Variants in GNB5 observed in about 807,000 individuals in gnomAD.
The protein encoded by GNB5 is G protein subunit beta 5, also known as guanine nucleotide-binding protein subunit beta-5.
Under a neutral mutation model 55.3 loss-of-function variants are expected in GNB5, and 37 were observed. The observed-to-expected ratio is 0.67, with a 90% CI of 0.51 to 0.88. The LOEUF (loss-of-function observed/expected upper bound fraction) is 0.88, where lower values mean the gene tolerates loss of function less well. GNB5 is among the 40% of genes least tolerant of loss of function. The pLI, the probability that GNB5 is intolerant of heterozygous loss-of-function variation, is 0.00. For synonymous variants in GNB5, 219 were observed against 198.5 expected, an observed-to-expected ratio of 1.10 and a Z score of -0.87; for missense variants, 476 against 515.3, an observed-to-expected ratio of 0.92 and a Z score of 0.74.
intron 9 of GNB5, among the ~76,000 whole-genome samples, chr15:52,132,636 A>ATTTTT (rs1216272462): frequency 5.9e-5 from 8 of 134,800 alleles, no homozygotes; most frequent in East Asian, 4.2e-4. Context: ...TGCCCTGCTA[A>ATTTTT]TTTTTTTTTT....
At chr15:52,171,085 T>A (rs1489338321) in intron 3 of GNB5, among the ~76,000 whole-genome samples, 1 of 127,420 alleles carries the variant, frequency 7.8e-6, no homozygotes, top group Admixed American at 8.1e-5. Context: ...AAAGTGAGAC[T>A]CTATCTCCAA....
At chr15:52,171,085 T>G (rs1489338321) in intron 3 of GNB5, among the ~76,000 whole-genome samples, 2 of 127,380 alleles carry the variant, frequency 1.6e-5, no homozygotes, top group Non-Finnish European at 3.1e-5. Flanking sequence ...AAAGTGAGAC[T>G]CTATCTCCAA....
intron 1 of GNB5, among the ~76,000 whole-genome samples, chr15:52,190,791 A>T (rs1013132707): frequency 1.2e-3 from 1 of 852 alleles, no homozygotes; most frequent in Non-Finnish European, 0.016. Flanking sequence ...AAAAAAAAAA[A>T]AAAAAAAAAA....
intron 8 of GNB5, among the ~76,000 whole-genome samples, chr15:52,134,654 A>G (rs1211078324): frequency 6.6e-6 from 1 of 152,242 alleles, no homozygotes; most frequent in East Asian, 1.9e-4. Context: ...GGTCCCTGCT[A>G]ACTACAGCTC....
At chr15:52,165,017 A>G (rs908731700) in intron 3 of GNB5, among the ~76,000 whole-genome samples, 2 of 152,206 alleles carry the variant, frequency 1.3e-5, no homozygotes, top group African/African-American at 4.8e-5. Flanking sequence ...GAGGAACATA[A>G]ATGACCTGAT....
intron 1 of GNB5, among the ~76,000 whole-genome samples, chr15:52,185,750 CT>C (rs200299592): frequency 0.1 from 12,626 of 123,286 alleles, 750 homozygotes; most frequent in South Asian, 0.18. Flanking sequence ...GTGTATTCAT[CT>C]TTTTATTATT....
chr15:52,177,584 G>A (rs2034676334), intron 3 of GNB5, among the ~76,000 whole-genome samples: 1 of 151,490 alleles, frequency 6.6e-6, no homozygotes, highest in Non-Finnish European at 1.5e-5. Context: ...CTGGGAGGTG[G>A]AGGTTGCAGT....
chr15:52,136,362 C>T (rs1004687223), intron 7 of GNB5, among the ~76,000 whole-genome samples: 13 of 152,128 alleles, frequency 8.5e-5, no homozygotes, highest in African/African-American at 2.7e-4. Context: ...GGAAGTGTTC[C>T]GTGAGTCTCT....
chr15:52,150,057 G>T, intron 4 of GNB5, 132 bp from the exon 5 acceptor site: 1 of 697,710 alleles, frequency 1.4e-6, no homozygotes, highest in South Asian at 1.7e-5. Context: ...GGATAATCAA[G>T]ACCCCCTAAT....
rs8025737 is a variant in GNB5, at chr15:52,191,153, T to C, written c.-19+169A>G. On this transcript the variant is annotated intron_variant, in intron 1 of 12. Coordinates refer to ENST00000261837, the MANE Select transcript of GNB5 (RefSeq NM_016194.4). ...AATTTACTATTTCAAAATAAATTCA[T>C]GTGTATTGTAGAAAAATTAGATTCT... Among the ~76,000 whole-genome samples, 30,462 of 151,076 alleles carry C rather than the reference T, an allele frequency of 0.2. 3,280 individuals carry two copies. Among genetic ancestry groups the C allele is most frequent in the Admixed American group, 0.3 (4,500 of 15,076 alleles).
chr15:52,176,605 G>A (rs1800127237), intron 3 of GNB5, among the ~76,000 whole-genome samples: 1 of 152,118 alleles, frequency 6.6e-6, no homozygotes, highest in Admixed American at 6.6e-5. Context: ...ATCATCTCTC[G>A]CTCTTCCACC....
intron 8 of GNB5, among the ~76,000 whole-genome samples, chr15:52,133,986 G>T (rs553611287): frequency 6.6e-6 from 1 of 152,210 alleles, no homozygotes; most frequent in African/African-American, 2.4e-5. Context: ...CAGGTGCCCC[G>T]GGCCATCTGC....
chr15:52,124,635 G>A lies in GNB5; in HGVS notation c.1014C>T (p.Arg338=). The change falls in exon 12 of 13, where the codon CGC becomes CGT. Residue 338 remains arginine, a synonymous_variant. Transcript: ENST00000261837. ...AATCATTGTATCCAGCAAACAGCAG[G>A]CGACCTTGAAGCAGGGTGAGATGAT... The part of the protein sequence containing the change: ...ASSVDFSLSG[R]LLFAGYNDYT... The A allele has an allele frequency of 1.2e-6, 2 of 1,613,706 alleles. No homozygotes were observed. Among genetic ancestry groups the A allele is most frequent in the African/African-American group, 2.7e-5 (2 of 75,042 alleles).
intron 3 of GNB5, among the ~76,000 whole-genome samples, chr15:52,166,385 C>A (rs1833905313): frequency 6.6e-6 from 1 of 152,190 alleles, no homozygotes; most frequent in South Asian, 2.1e-4. Context: ...ACAGAATATA[C>A]ATTCTTCTCA....
At chr15:52,128,690 C>T in intron 9 of GNB5, 3 of 465,492 alleles carry the variant, frequency 6.4e-6, no homozygotes, top group Non-Finnish European at 1.3e-5. Context: ...GCCTCAGTTT[C>T]CTCATCTGAA....
chr15:52,141,493 C>G (rs2033853831), intron 6 of GNB5, among the ~76,000 whole-genome samples: 2 of 150,226 alleles, frequency 1.3e-5, no homozygotes, highest in Admixed American at 1.3e-4. Context: ...GTCTTGAACT[C>G]TTGGCCTCGA....
intron 3 of GNB5, among the ~76,000 whole-genome samples, 174 bp from the exon 4 acceptor site, chr15:52,154,250 C>T (rs1379344107): frequency 6.6e-6 from 1 of 152,238 alleles, no homozygotes; most frequent in Admixed American, 6.5e-5. Context: ...AGCACTCCTT[C>T]TTTTAAGATC....
At position 52,184,656 on chromosome 15, in the gene GNB5, G is replaced by A. The variant is rs373616639; in HGVS notation, c.21C>T (p.Leu7=). The part of the protein sequence containing the change: MCDQTF[L]VNVFGSCDKC... ...TGTCACATGAGCCAAATACATTAAC[G>A]AGAAAGGTCTGATCACACATCTTTT... The change falls in exon 2 of 13, where the codon CTC becomes CTT. Residue 7 remains leucine (L), a synonymous_variant. Coordinates refer to ENST00000261837, the MANE Select transcript of GNB5 (RefSeq NM_016194.4). The A allele has an allele frequency of 3.5e-5, 56 of 1,613,258 alleles. No individual in the cohort carries two copies. The highest frequency in any genetic ancestry group is 4.5e-5 in the Non-Finnish European group (53 of 1,179,468).
At chr15:52,123,961 A>G (rs1311614541) in intron 12 of GNB5, among the ~76,000 whole-genome samples, 1 of 148,518 alleles carries the variant, frequency 6.7e-6, no homozygotes, top group Admixed American at 6.9e-5. Flanking sequence ...AATTTGGCAT[A>G]TAATTTCAGG....
Sources: allele counts gnomAD v4.1 joint callset (sites outside exome capture counted in the v4.1 genomes callset), GRCh38; gene constraint gnomAD v4.1.1; transcripts MANE v1.5; gene names NCBI Gene and HGNC (gene_info 2026-07-23, HGNC 2026-07-21).